CNTNAP5: variants seen among roughly 807,000 people sequenced by gnomAD.
CNTNAP5 encodes the protein contactin-associated protein-like 5.
A neutral mutation model predicts 150.2 loss-of-function variants in CNTNAP5; 72 were observed. The ratio of observed to expected loss-of-function variants is 0.48; its 90% confidence interval spans 0.40 to 0.58. The LOEUF (loss-of-function observed/expected upper bound fraction) is 0.58. CNTNAP5 is among the 20% of genes least tolerant of loss of function. CNTNAP5 has a pLI of 0.00. For missense variants in CNTNAP5, 1,636 were observed against 1,626.2 expected (o/e 1.01, Z -0.10); for synonymous variants, 672 against 619.8 (o/e 1.08, Z -1.25).
At chr2:124,171,415 C>T (rs1414410448) in intron 1 of CNTNAP5, among the ~76,000 whole-genome samples, 1 of 152,146 alleles carries the variant, frequency 6.6e-6, no homozygotes, top group Non-Finnish European at 1.5e-5. Context: ...CAGCACGTTG[C>T]TAATTTGAGC....
At chr2:124,423,831 A>G (rs1224833156) in intron 4 of CNTNAP5, among the ~76,000 whole-genome samples, 1 of 115,412 alleles carries the variant, frequency 8.7e-6, no homozygotes, top group Non-Finnish European at 1.8e-5. Flanking sequence ...CGCCCGGCTA[A>G]TTTTTTGTAT....
At chr2:124,585,669 C>CTTTTTTTTTTT (rs33978614) in intron 11 of CNTNAP5, among the ~76,000 whole-genome samples, 2 of 66,398 alleles carry the variant, frequency 3.0e-5, no homozygotes, top group African/African-American at 1.2e-4. Flanking sequence ...GAGCTTGAAG[C>CTTTTTTTTTTT]TTTTTTTTTT....
chr2:124,368,346 G>A lies in CNTNAP5; in HGVS notation c.382-49097G>A, dbSNP rs181955397. Among the ~76,000 whole-genome samples, 118 of 152,200 alleles carry A rather than the reference G, an allele frequency of 7.8e-4. 1 individual carries two copies. The highest frequency in any genetic ancestry group is 6.8e-3 in the Middle Eastern group (2 of 294). On this transcript the variant is annotated intron_variant, in intron 3 of 23. Coordinates refer to ENST00000682447, the MANE Select transcript of CNTNAP5 (RefSeq NM_001367498.1). ...GATCAAAACTTCTGTAATACGCAGC[G>A]TTTTTGAGGCTATGAGGAGAGTCAG...
chr2:124,818,569 T>G (rs1445449520), intron 19 of CNTNAP5, among the ~76,000 whole-genome samples: 1 of 152,056 alleles, frequency 6.6e-6, no homozygotes, highest in Non-Finnish European at 1.5e-5. Flanking sequence ...ACCTCTTGAT[T>G]ATCCCTTCAC....
intron 11 of CNTNAP5, among the ~76,000 whole-genome samples, chr2:124,585,656 G>A (rs1233978242): frequency 1.3e-5 from 2 of 149,170 alleles, no homozygotes; most frequent in Admixed American, 6.7e-5. Flanking sequence ...AGTGAGTCAG[G>A]GAGAGCTTGA....
At chr2:124,815,238 G>T (rs1236169318) in intron 19 of CNTNAP5, among the ~76,000 whole-genome samples, 1 of 152,154 alleles carries the variant, frequency 6.6e-6, no homozygotes. Flanking sequence ...ATAGCCAAAG[G>T]TACTGGAGGA....
At chr2:124,852,578 G>T (rs1000293773) in intron 19 of CNTNAP5, among the ~76,000 whole-genome samples, 1 of 152,202 alleles carries the variant, frequency 6.6e-6, no homozygotes, top group African/African-American at 2.4e-5. Context: ...AAGTGCACTG[G>T]AGAATCATTA....
intron 3 of CNTNAP5, among the ~76,000 whole-genome samples, chr2:124,366,723 A>G (rs1430098983): frequency 2.0e-5 from 3 of 152,224 alleles, no homozygotes; most frequent in Non-Finnish European, 4.4e-5. Flanking sequence ...AGTCATACCT[A>G]AGACCTCAAT....
intron 3 of CNTNAP5, among the ~76,000 whole-genome samples, chr2:124,373,862 T>C (rs999385718): frequency 1.3e-5 from 2 of 152,056 alleles, no homozygotes; most frequent in South Asian, 4.1e-4. Flanking sequence ...TTAATAGGCA[T>C]ATAGAATGAT....
At chr2:124,067,409 A>G (rs1682187824) in intron 1 of CNTNAP5, among the ~76,000 whole-genome samples, 1 of 152,112 alleles carries the variant, frequency 6.6e-6, no homozygotes, top group African/African-American at 2.4e-5. Context: ...CTGTGGCTGC[A>G]TCACCCCAAT....
chr2:124,752,792 ACT>A (rs1680756290), intron 14 of CNTNAP5, among the ~76,000 whole-genome samples: 1 of 152,040 alleles, frequency 6.6e-6, no homozygotes, highest in African/African-American at 2.4e-5. Flanking sequence ...AAGAAAGGAA[ACT>A]CTGGTGACAG....
intron 11 of CNTNAP5, among the ~76,000 whole-genome samples, chr2:124,586,535 A>G (rs2104954564): frequency 6.6e-6 from 1 of 152,284 alleles, no homozygotes; most frequent in African/African-American, 2.4e-5. Context: ...TAATATCCTC[A>G]TCTTCAAATT....
In CNTNAP5 at chr2:124,106,377, G is replaced by A. The variant is rs373156705; in HGVS notation, c.82+80645G>A. Among the ~76,000 whole-genome samples the A allele has an allele frequency of 1.2e-4, 19 of 152,240 alleles. No homozygotes were observed. In the South Asian group the frequency reaches 3.9e-3, roughly 32 times the overall value. The stretch of plus-strand genomic sequence containing the variant: ...CTGGGCACCAGCAAGTCCTAGGCAT[G>A]GTTGGAATTATAGCACTTTAAGCCC... On this transcript the variant is annotated intron_variant, in intron 1 of 23. Coordinates refer to ENST00000682447, the MANE Select transcript of CNTNAP5 (RefSeq NM_001367498.1).
At chr2:124,428,191 C>T (rs1692286630) in intron 4 of CNTNAP5, among the ~76,000 whole-genome samples, 1 of 152,158 alleles carries the variant, frequency 6.6e-6, no homozygotes, top group Non-Finnish European at 1.5e-5. Flanking sequence ...ACCACACCCC[C>T]ACCTCACCAG....
At chr2:124,383,929 A>G (rs1278072017) in intron 3 of CNTNAP5, among the ~76,000 whole-genome samples, 1 of 152,180 alleles carries the variant, frequency 6.6e-6, no homozygotes, top group Non-Finnish European at 1.5e-5. Context: ...GCCAAGTTAC[A>G]CATTTTTCTC....
intron 2 of CNTNAP5, among the ~76,000 whole-genome samples, chr2:124,229,712 A>C (rs926722162): frequency 1.3e-5 from 2 of 151,854 alleles, no homozygotes; most frequent in South Asian, 2.1e-4. Flanking sequence ...GCTTCAGAGA[A>C]AGACTTACTG....
intron 13 of CNTNAP5, among the ~76,000 whole-genome samples, chr2:124,666,221 T>A (rs1445952043): frequency 6.6e-6 from 1 of 152,164 alleles, no homozygotes; most frequent in Admixed American, 6.5e-5. Context: ...CCCAGAAAGT[T>A]GGGGCATCTT....
At chr2:124,537,875 C>T (rs900005622) in intron 10 of CNTNAP5, among the ~76,000 whole-genome samples, 14 of 152,110 alleles carry the variant, frequency 9.2e-5, no homozygotes, top group Non-Finnish European at 1.5e-4. Flanking sequence ...TGCATATGGA[C>T]GGGCACAAAA....
chr2:124,740,441 G>T lies in CNTNAP5; in HGVS notation c.2078-6788G>T, dbSNP rs113479591. On this transcript the variant is annotated intron_variant, in intron 13 of 23. Transcript: ENST00000682447. ...AAGCACCGTGTTTGAAGGGGACAAA[G>T]GCATGGAAGTCAGGTTACACTGCCA... 4.7e-3 allele frequency among the ~76,000 whole-genome samples: 718 copies of T among 152,270 alleles called. 1 individual carries two copies. The highest frequency in any genetic ancestry group is 7.1e-3 in the Non-Finnish European group (481 of 68,028).
Sources: gnomAD v4.1 joint callset for allele counts (sites outside exome capture counted in the v4.1 genomes callset) on GRCh38, gnomAD v4.1.1 for gene constraint, MANE v1.5 for transcripts, NCBI Gene and HGNC (gene_info 2026-07-23, HGNC 2026-07-21) for gene names.